Variants in TNIK observed in about 807,000 individuals in gnomAD.
TNIK encodes TRAF2 and NCK interacting kinase, also known as TRAF2 and NCK-interacting protein kinase.
A neutral mutation model predicts 191.3 loss-of-function variants in TNIK; 49 were observed. The ratio of observed to expected loss-of-function variants is 0.26; its 90% CI spans 0.20 to 0.32. TNIK has a LOEUF of 0.32. Among genes scored for constraint, TNIK ranks in the 10% least tolerant of loss-of-function variants. TNIK has a pLI of 1.00. For missense variants in TNIK, 1,155 were observed against 1,702.3 expected (o/e 0.68, Z 5.66); for synonymous variants, 594 against 600.9 (o/e 0.99, Z 0.17).
intron 6 of TNIK, 104 bp downstream of exon 6, chr3:171,190,593 G>T: frequency 2.3e-6 from 2 of 862,918 alleles, no homozygotes; most frequent in Non-Finnish European, 3.5e-6. Context: ...TTAGGGCAAT[G>T]CTCTCCAAAT....
intron 12 of TNIK, among the ~76,000 whole-genome samples, chr3:171,142,252 A>G (rs1317388912): frequency 6.6e-6 from 1 of 152,226 alleles, no homozygotes; most frequent in East Asian, 1.9e-4. Flanking sequence ...CCTCCCCATC[A>G]TCCATGAAAA....
intron 2 of TNIK, among the ~76,000 whole-genome samples, chr3:171,248,437 G>GT (rs1183705307): frequency 6.6e-6 from 1 of 152,190 alleles, no homozygotes; most frequent in African/African-American, 2.4e-5. Flanking sequence ...TGGATATTAT[G>GT]GAAGAACAAA....
At chr3:171,456,327 T>C (rs1728793932) in intron 1 of TNIK, among the ~76,000 whole-genome samples, 1 of 152,206 alleles carries the variant, frequency 6.6e-6, no homozygotes, top group Non-Finnish European at 1.5e-5. Context: ...TGAGATGTCT[T>C]GAAGCAAGAA....
chr3:171,400,845 G>A (rs1004735330), intron 1 of TNIK, among the ~76,000 whole-genome samples: 3 of 152,282 alleles, frequency 2.0e-5, no homozygotes, highest in East Asian at 1.9e-4. Flanking sequence ...TCCCAAAAGC[G>A]TCCTTCGGAT....
At chr3:171,086,451 T>C (rs999287391) in intron 24 of TNIK, among the ~76,000 whole-genome samples, 4 of 152,188 alleles carry the variant, frequency 2.6e-5, no homozygotes, top group African/African-American at 9.7e-5. Context: ...TCTTATGGTG[T>C]CCTCCTTGGT....
intron 2 of TNIK, among the ~76,000 whole-genome samples, chr3:171,344,106 A>G (rs1384187594): frequency 6.6e-6 from 1 of 152,152 alleles, no homozygotes; most frequent in Non-Finnish European, 1.5e-5. Context: ...AAAGCAAAAA[A>G]CCAAATAATT....
intron 2 of TNIK, among the ~76,000 whole-genome samples, chr3:171,328,885 A>C (rs1250558079): frequency 6.6e-6 from 1 of 152,188 alleles, no homozygotes; most frequent in Non-Finnish European, 1.5e-5. Context: ...CACTAAGGAA[A>C]CAATGGAGGG....
At chr3:171,406,670 T>C (rs1488914283) in intron 1 of TNIK, among the ~76,000 whole-genome samples, 1 of 152,170 alleles carries the variant, frequency 6.6e-6, no homozygotes, top group Non-Finnish European at 1.5e-5. Context: ...TGGCCTCAGG[T>C]GATCTTCCCA....
intron 2 of TNIK, among the ~76,000 whole-genome samples, chr3:171,348,820 T>C (rs759187955): frequency 2.6e-5 from 4 of 152,088 alleles, no homozygotes; most frequent in Non-Finnish European, 4.4e-5. Context: ...TCTTAAAGTA[T>C]AGTGGTCCAA....
intron 3 of TNIK, among the ~76,000 whole-genome samples, chr3:171,218,797 T>G (rs1277004160): frequency 7.0e-6 from 1 of 141,868 alleles, no homozygotes; most frequent in East Asian, 2.2e-4. Flanking sequence ...CATTTACATA[T>G]TATATATTAA....
At chr3:171,334,267 G>A (rs948673722) in intron 2 of TNIK, among the ~76,000 whole-genome samples, 3 of 152,134 alleles carry the variant, frequency 2.0e-5, no homozygotes, top group Non-Finnish European at 4.4e-5. Context: ...GCTCTCTCTC[G>A]CTCTCTCCTC....
Position 171,371,595 on chromosome 3 carries a change from C to CGGT in TNIK, c.58-1911_58-1910insACC, listed in dbSNP as rs1716498665. ...TGTGGTTCCAGACAGAACCACAAAA[C>CGGT]CGGAAAACACTCTTAAGGGACTTAG... On this transcript the variant is annotated intron_variant, in intron 1 of 32. Transcript: ENST00000436636. Among the ~76,000 whole-genome samples, 5 of 152,230 alleles carry CGGT rather than the reference C, an allele frequency of 3.3e-5. No homozygotes were observed. In the South Asian group the frequency reaches 1.0e-3, roughly 32 times the overall value.
chr3:171,073,421 A>C (rs1359779108), intron 28 of TNIK, among the ~76,000 whole-genome samples: 1 of 152,188 alleles, frequency 6.6e-6, no homozygotes, highest in African/African-American at 2.4e-5. Flanking sequence ...CAAAACTATA[A>C]TAAGAAAACC....
At chr3:171,123,227 A>G (rs573450846) in intron 18 of TNIK, among the ~76,000 whole-genome samples, 7 of 152,346 alleles carry the variant, frequency 4.6e-5, no homozygotes, top group Admixed American at 2.6e-4. Flanking sequence ...GAAATGGGCC[A>G]TAACAGGTCA....
At chr3:171,370,635 T>C (rs532007763) in intron 1 of TNIK, among the ~76,000 whole-genome samples, 3 of 152,204 alleles carry the variant, frequency 2.0e-5, no homozygotes, top group South Asian at 2.1e-4. Context: ...AGTGGTCCAG[T>C]TGGGGCCTGT....
rs1756974957 is a variant in TNIK at position 171,336,630 on chromosome 3, T to TGA, written c.123+32988_123+32989dup. Among the ~76,000 whole-genome samples, 3 of 152,154 alleles carry TGA rather than the reference T, an allele frequency of 2.0e-5. No homozygotes were observed. In the South Asian group the frequency reaches 6.2e-4, roughly 32 times the overall value. Reference sequence around the variant, plus strand: ...CTTATTTCCAGATCATGGCTCTGCTTGAGAGGTAGGCAAAGTCCATTAATA... The same window carrying TGA: ...CTTATTTCCAGATCATGGCTCTGCTTGAGAGAGGTAGGCAAAGTCCATTAATA... On this transcript the variant is annotated intron_variant, in intron 2 of 32. Transcript: ENST00000436636.
intron 2 of TNIK, among the ~76,000 whole-genome samples, chr3:171,235,132 C>T (rs560912512): frequency 4.9e-4 from 74 of 152,326 alleles, no homozygotes; most frequent in Non-Finnish European, 9.3e-4. Flanking sequence ...ATCTCCACCT[C>T]CTGGGTTCAA....
intron 27 of TNIK, among the ~76,000 whole-genome samples, chr3:171,080,727 T>C (rs894343943): frequency 3.3e-5 from 5 of 152,258 alleles, no homozygotes; most frequent in African/African-American, 1.2e-4. Flanking sequence ...ATTTTATAGA[T>C]GAATATATAC....
chr3:171,281,077 A>G (rs1048950530), intron 2 of TNIK, among the ~76,000 whole-genome samples: 20 of 152,306 alleles, frequency 1.3e-4, no homozygotes, highest in Middle Eastern at 3.4e-3. Context: ...TTAAACAAAA[A>G]TAGATTTTAT....
Sources: gnomAD v4.1 joint callset for allele counts (sites outside exome capture counted in the v4.1 genomes callset) on GRCh38, gnomAD v4.1.1 for gene constraint, MANE v1.5 for transcripts, NCBI Gene and HGNC (gene_info 2026-07-23, HGNC 2026-07-21) for gene names.